PACRG: variants seen among roughly 807,000 people sequenced by gnomAD.
PACRG encodes the protein parkin coregulated gene protein.
A neutral mutation model predicts 29.7 loss-of-function variants in PACRG; 29 were observed. That is an observed-to-expected ratio of 0.98 (90% CI 0.73 to 1.33). PACRG has a LOEUF of 1.33. Among genes scored for constraint, PACRG ranks in the 40% most tolerant of loss-of-function variants. The pLI, the probability that PACRG is intolerant of heterozygous loss-of-function variation, is 0.00. For missense variants in PACRG, 279 were observed against 316.2 expected (o/e 0.88, Z 0.89); for synonymous variants, 116 against 118.7 (o/e 0.98, Z 0.15).
chr6:163,054,894 C>T (rs533820964), intron 2 of PACRG, among the ~76,000 whole-genome samples: 17 of 152,296 alleles, frequency 1.1e-4, no homozygotes, highest in Non-Finnish European at 2.1e-4. Context: ...CCGCCTCCCC[C>T]CTGGCTGTCT....
At chr6:162,857,872 G>A (rs1446696687) in intron 2 of PACRG, among the ~76,000 whole-genome samples, 2 of 151,832 alleles carry the variant, frequency 1.3e-5, no homozygotes, top group African/African-American at 4.8e-5. Flanking sequence ...CTGTTTCAAA[G>A]GCTTCTTAAT....
chr6:162,734,793 G>T (rs1562542722), intron 1 of PACRG, among the ~76,000 whole-genome samples: 1 of 152,180 alleles, frequency 6.6e-6, no homozygotes, highest in Non-Finnish European at 1.5e-5. Flanking sequence ...TATTGTAAGT[G>T]AATCACTTGG....
At chr6:162,970,808 T>TACA (rs1190346939) in intron 2 of PACRG, among the ~76,000 whole-genome samples, 1 of 148,982 alleles carries the variant, frequency 6.7e-6, no homozygotes, top group Non-Finnish European at 1.5e-5. Context: ...AGGTAAAAAT[T>TACA]ACAACATAAA....
chr6:163,209,559 G>A (rs1053597670), intron 4 of PACRG, among the ~76,000 whole-genome samples: 3 of 152,052 alleles, frequency 2.0e-5, no homozygotes, highest in Non-Finnish European at 4.4e-5. Flanking sequence ...CACAGATGAG[G>A]GTAACACAAA....
chr6:162,745,958 G>A (rs1235502973), intron 1 of PACRG, among the ~76,000 whole-genome samples: 1 of 151,992 alleles, frequency 6.6e-6, no homozygotes, highest in Non-Finnish European at 1.5e-5. Context: ...TAATTATGTT[G>A]TATAAATAAT....
intron 2 of PACRG, among the ~76,000 whole-genome samples, chr6:163,036,855 G>C (rs963623529): frequency 5.3e-5 from 6 of 113,064 alleles, no homozygotes; most frequent in Non-Finnish European, 1.1e-4. Context: ...TATCCATCCA[G>C]CTATCCATCC....
chr6:163,064,923 C>T (rs1677200903), intron 3 of PACRG, among the ~76,000 whole-genome samples: 1 of 151,918 alleles, frequency 6.6e-6, no homozygotes, highest in South Asian at 2.1e-4. Context: ...CTGGGATTAG[C>T]TGCCCTTGTA....
At chr6:163,154,833 C>CT (rs1386047609) in intron 4 of PACRG, among the ~76,000 whole-genome samples, 1 of 152,218 alleles carries the variant, frequency 6.6e-6, no homozygotes, top group Non-Finnish European at 1.5e-5. Flanking sequence ...CATACATGGT[C>CT]TATGTCCTCT....
chr6:163,017,015 A>G (rs1350178021), intron 2 of PACRG, among the ~76,000 whole-genome samples: 1 of 152,180 alleles, frequency 6.6e-6, no homozygotes, highest in Admixed American at 6.5e-5. Flanking sequence ...ATCCTAAAAT[A>G]TATTTAAAAT....
intron 2 of PACRG, among the ~76,000 whole-genome samples, chr6:162,939,702 TC>T (rs2128117016): frequency 6.7e-6 from 1 of 148,560 alleles, no homozygotes; most frequent in Non-Finnish European, 1.5e-5. Flanking sequence ...TGTGTGTGTG[TC>T]ACTTAGCTGA....
chr6:163,140,644 A>G (rs769338030), intron 4 of PACRG, among the ~76,000 whole-genome samples: 24 of 152,158 alleles, frequency 1.6e-4, no homozygotes, highest in Admixed American at 1.4e-3. Context: ...TTCATAACCC[A>G]TGAAGAATTT....
At chr6:162,879,456 A>G (rs980755483) in intron 2 of PACRG, among the ~76,000 whole-genome samples, 2 of 152,148 alleles carry the variant, frequency 1.3e-5, no homozygotes, top group African/African-American at 4.8e-5. Context: ...AGACACCCAG[A>G]CTCTTATGTT....
At chr6:163,225,607 G>T (rs1336752447) in intron 4 of PACRG, among the ~76,000 whole-genome samples, 1 of 152,196 alleles carries the variant, frequency 6.6e-6, no homozygotes, top group Non-Finnish European at 1.5e-5. Flanking sequence ...CGCACTGTTA[G>T]TGGGAGTGTA....
At chr6:163,063,300 T>C (rs1048463374) in intron 3 of PACRG, among the ~76,000 whole-genome samples, 6 of 152,140 alleles carry the variant, frequency 3.9e-5, no homozygotes, top group African/African-American at 7.2e-5. Context: ...TGCCCATGGC[T>C]TCGAGGGGTG....
At chr6:163,132,662 C>T (rs1006457112) in intron 4 of PACRG, among the ~76,000 whole-genome samples, 3 of 152,212 alleles carry the variant, frequency 2.0e-5, no homozygotes, top group Middle Eastern at 3.2e-3. Flanking sequence ...ACATAACCCA[C>T]TTCTGTACCT....
At chr6:162,844,364 G>A (rs1318861505) in intron 2 of PACRG, among the ~76,000 whole-genome samples, 1 of 152,210 alleles carries the variant, frequency 6.6e-6, no homozygotes, top group African/African-American at 2.4e-5. Context: ...CCATTTTCCA[G>A]GTGAGTCCGT....
intron 2 of PACRG, among the ~76,000 whole-genome samples, chr6:163,030,600 A>T (rs1006567018): frequency 3.9e-5 from 6 of 152,224 alleles, no homozygotes; most frequent in African/African-American, 1.4e-4. Context: ...GTGCAAAACA[A>T]AAGTAAGTTT....
chr6:163,215,359 A>G (rs987941382), intron 4 of PACRG, among the ~76,000 whole-genome samples: 8 of 152,212 alleles, frequency 5.3e-5, no homozygotes, highest in African/African-American at 1.2e-4. Flanking sequence ...TTGGCATGGC[A>G]TATTTTTATG....
chr6:163,225,869 C>G (rs1781773695), intron 4 of PACRG, among the ~76,000 whole-genome samples: 3 of 152,104 alleles, frequency 2.0e-5, no homozygotes, highest in Admixed American at 6.5e-5. Flanking sequence ...CAATGGAATA[C>G]TATTCAGCCT....
Sources: allele counts gnomAD v4.1 joint callset (sites outside exome capture counted in the v4.1 genomes callset), GRCh38; gene constraint gnomAD v4.1.1; transcripts MANE v1.5; gene names NCBI Gene and HGNC (gene_info 2026-07-23, HGNC 2026-07-21).